CAPZA1: variants seen among roughly 807,000 people sequenced by gnomAD.
The protein encoded by CAPZA1 is F-actin-capping protein subunit alpha-1.
Under a neutral mutation model 40.8 loss-of-function variants are expected in CAPZA1, and 10 were observed. The observed-to-expected ratio is 0.25, with a 90% CI of 0.15 to 0.42. The LOEUF (loss-of-function observed/expected upper bound fraction) is 0.42. Ranked by LOEUF, CAPZA1 falls within the 10% of genes least tolerant of loss-of-function variation. The probability of loss-of-function intolerance (pLI) is 1.00; values close to 1 mark genes in which losing one functional copy is unlikely to be tolerated. For synonymous variants in CAPZA1, 98 were observed against 115.0 expected (o/e 0.85, Z 0.95); for missense variants, 277 against 353.8 (o/e 0.78, Z 1.74).
chr1:112,651,545 A>T (rs1378271443), intron 3 of CAPZA1, among the ~76,000 whole-genome samples: 1 of 152,192 alleles, frequency 6.6e-6, no homozygotes, highest in Admixed American at 6.5e-5. Context: ...AAAGAGAAGA[A>T]TCAAAGATCA....
intron 1 of CAPZA1, among the ~76,000 whole-genome samples, chr1:112,639,624 G>T (rs1671092366): frequency 6.6e-6 from 1 of 151,994 alleles, no homozygotes; most frequent in Admixed American, 6.5e-5. Context: ...TCAGTCCTTT[G>T]GCTTCCTTGA....
chr1:112,664,263 G>A (rs1409190025), intron 7 of CAPZA1, among the ~76,000 whole-genome samples: 4 of 148,502 alleles, frequency 2.7e-5, no homozygotes, highest in Non-Finnish European at 4.5e-5. Flanking sequence ...ACTTATTTTT[G>A]TCCTTTAAAC....
intron 6 of CAPZA1, 32 bp from the exon 7 acceptor site, chr1:112,659,669 A>C: frequency 6.4e-7 from 1 of 1,574,242 alleles, no homozygotes; most frequent in Non-Finnish European, 8.7e-7. Context: ...GCTTATTGCT[A>C]ATTCTGCAAT....
rs1671815274 is a variant in CAPZA1 at position 112,670,826 on chromosome 1, A to G, written c.*694A>G. ...TCCCTTCTCTCATTGTCTCCTTCCC[A>G]TCTTAGTACCATTGTAGTTATAAAC... On this transcript the variant is annotated 3_prime_UTR_variant, in exon 10 of 10. Coordinates refer to ENST00000263168, the MANE Select transcript of CAPZA1 (RefSeq NM_006135.3). 1 of 152,624 alleles carries G rather than the reference A, an allele frequency of 6.6e-6. No homozygotes were observed. Among genetic ancestry groups the G allele is most frequent in the Non-Finnish European group, 1.5e-5 (1 of 68,032 alleles). The allele number at this position is 152,624 out of a possible 1,614,324, so 9.5% of individuals were successfully genotyped here.
intron 4 of CAPZA1, 28 bp downstream of exon 4, chr1:112,653,689 G>T (rs1671445104): frequency 6.8e-7 from 1 of 1,462,784 alleles, no homozygotes; most frequent in Non-Finnish European, 9.5e-7. Flanking sequence ...GACAGGCTAT[G>T]CCTGGCAGAT....
At chr1:112,627,636 C>CAAAAAAAAAAAA (rs3034524) in intron 1 of CAPZA1, among the ~76,000 whole-genome samples, 3 of 50,764 alleles carry the variant, frequency 5.9e-5, no homozygotes, top group African/African-American at 2.5e-4. Flanking sequence ...GACTCTGTCT[C>CAAAAAAAAAAAA]AAAAAAAAAA....
At chr1:112,643,939 G>A (rs926892504) in intron 1 of CAPZA1, among the ~76,000 whole-genome samples, 3 of 151,882 alleles carry the variant, frequency 2.0e-5, no homozygotes, top group Non-Finnish European at 4.4e-5. Context: ...CTGCCTCCTG[G>A]GTTCAAGAGA....
At chr1:112,657,882 G>A (rs568304784) in intron 5 of CAPZA1, among the ~76,000 whole-genome samples, 1 of 152,258 alleles carries the variant, frequency 6.6e-6, no homozygotes, top group South Asian at 2.1e-4. Context: ...TTGAGCCATT[G>A]CACCCAGCCC....
rs1671442128 is a variant in CAPZA1 at position 112,653,584 on chromosome 1, T to A, written c.156-14T>A. The A allele has an allele frequency of 2.0e-6, 3 of 1,529,800 alleles. No homozygotes were observed. The highest frequency in any genetic ancestry group is 1.8e-6 in the Non-Finnish European group (2 of 1,132,306). 94.8% of individuals were successfully genotyped at this position (1,529,800 alleles called of 1,614,324 possible). ...TTTTTTTTTTTTTTTTAAAAAACTT[T>A]TAAAAAAAAACAGTGCATTTGCCCA... On this transcript the variant is annotated splice_polypyrimidine_tract_variant and intron_variant, in intron 3 of 9. Transcript: ENST00000263168.
chr1:112,643,573 C>T (rs1325876911), intron 1 of CAPZA1, among the ~76,000 whole-genome samples: 1 of 152,146 alleles, frequency 6.6e-6, no homozygotes, highest in African/African-American at 2.4e-5. Context: ...TAATATGACT[C>T]TATGAGGAGA....
At chr1:112,625,761 A>G (rs1299039287) in intron 1 of CAPZA1, 1 of 152,238 alleles carries the variant, frequency 6.6e-6, no homozygotes, top group Non-Finnish European at 1.5e-5. Flanking sequence ...CTTGCCAAGC[A>G]TTTAGAGGGC....
intron 1 of CAPZA1, among the ~76,000 whole-genome samples, chr1:112,626,439 A>C (rs1303606315): frequency 2.0e-5 from 3 of 152,034 alleles, no homozygotes; most frequent in African/African-American, 7.2e-5. Flanking sequence ...TACCAAAAAA[A>C]AAAAAAAAAT....
intron 1 of CAPZA1, among the ~76,000 whole-genome samples, chr1:112,629,723 T>C (rs1279105515): frequency 6.6e-6 from 1 of 152,262 alleles, no homozygotes; most frequent in African/African-American, 2.4e-5. Context: ...AAACCAGATT[T>C]GGTATTACCA....
intron 7 of CAPZA1, among the ~76,000 whole-genome samples, chr1:112,666,184 A>T (rs897550419): frequency 6.6e-6 from 1 of 151,836 alleles, no homozygotes; most frequent in East Asian, 1.9e-4. Context: ...CTCCTGCCAC[A>T]CTCCTTTTTT....
chr1:112,647,209 G>T lies in CAPZA1; in HGVS notation c.40-1G>T. 2.7e-6 allele frequency: 4 copies of T among 1,493,468 alleles called. No individual in the cohort carries two copies. The highest frequency in any genetic ancestry group is 1.4e-5 in the South Asian group (1 of 71,748). The allele number at this position is 1,493,468 out of a possible 1,614,324, so 92.5% of individuals were successfully genotyped here. A position where few individuals can be genotyped will look rare whatever the true frequency, so the allele number is the denominator to read the frequency against. On this transcript the variant is annotated splice_acceptor_variant, in intron 1 of 9. Coordinates refer to ENST00000263168, the MANE Select transcript of CAPZA1 (RefSeq NM_006135.3). LOFTEE classifies it high-confidence loss of function. Reference sequence around the variant, plus strand: ...TAAGTGTAAATTTTGTTTCTCTTTAGGTACGCATAGCTGCTAAATTCATCA... The same window carrying T: ...TAAGTGTAAATTTTGTTTCTCTTTATGTACGCATAGCTGCTAAATTCATCA...
intron 1 of CAPZA1, among the ~76,000 whole-genome samples, chr1:112,639,098 AC>A (rs71084485): frequency 0.2 from 29,601 of 151,276 alleles, 3,684 homozygotes; most frequent in East Asian, 0.47. Flanking sequence ...CACTTCAGAA[AC>A]TATCAAATAT....
intron 1 of CAPZA1, among the ~76,000 whole-genome samples, chr1:112,640,147 C>G (rs1279067012): frequency 1.1e-4 from 13 of 116,956 alleles, no homozygotes; most frequent in African/African-American, 1.7e-4. Flanking sequence ...GTGGGGGGAT[C>G]AGCCCCCCAC....
chr1:112,669,502 A>T lies in CAPZA1; in HGVS notation c.658-41A>T, dbSNP rs773091369. ...TTCAGGATCTTACTGCTTACACATT[A>T]AAAAAAAATCTGATTTTCCCCTTCT... is the stretch of plus-strand genomic sequence containing the variant. On this transcript the variant is annotated intron_variant, in intron 8 of 9. Coordinates refer to ENST00000263168, the MANE Select transcript of CAPZA1 (RefSeq NM_006135.3). The T allele has an allele frequency of 1.1e-5, 14 of 1,310,778 alleles. No homozygotes were observed. In the East Asian group the frequency reaches 1.2e-4, roughly 11 times the overall value. 81.2% of individuals were successfully genotyped at this position (1,310,778 alleles called of 1,614,324 possible).
chr1:112,639,527 T>TA (rs1276823694), intron 1 of CAPZA1, among the ~76,000 whole-genome samples: 1 of 152,188 alleles, frequency 6.6e-6, no homozygotes, highest in Non-Finnish European at 1.5e-5. Flanking sequence ...CATGAGGTAC[T>TA]ATGGGGATAT....
Sources: allele counts gnomAD v4.1 joint callset (sites outside exome capture counted in the v4.1 genomes callset), GRCh38; gene constraint gnomAD v4.1.1; transcripts MANE v1.5; gene names NCBI Gene and HGNC (gene_info 2026-07-23, HGNC 2026-07-21).